The following HSPA4L variants were observed in gnomAD, a reference collection of about 807,000 sequenced individuals.
The protein encoded by HSPA4L is heat shock 70 kDa protein 4L.
In HSPA4L, 48 loss-of-function variants were observed where a neutral mutation model predicts 100.3. The observed-to-expected ratio is 0.48, with a 90% CI of 0.38 to 0.61. HSPA4L has a LOEUF of 0.61. HSPA4L is among the 20% of genes least tolerant of loss of function. HSPA4L has a pLI of 0.00. For synonymous variants in HSPA4L, 319 were observed against 328.2 expected (o/e 0.97, Z 0.30); for missense variants, 886 against 988.6 (o/e 0.90, Z 1.39).
chr4:127,812,409 AAAAAAAAAAAAC>A (rs917071173), intron 12 of HSPA4L, among the ~76,000 whole-genome samples: 9 of 140,008 alleles, frequency 6.4e-5, no homozygotes, highest in African/African-American at 1.6e-4. Flanking sequence ...ACTCCATCTC[AAAAAAAAAAAAC>A]AAAAAAAAAA....
chr4:127,829,027 C>G (rs1419228496), intron 17 of HSPA4L, among the ~76,000 whole-genome samples: 2 of 151,980 alleles, frequency 1.3e-5, no homozygotes, highest in Non-Finnish European at 2.9e-5. Flanking sequence ...CAATAAATTA[C>G]TGTAAGTTAT....
Position 127,838,416 on chromosome 4 carries a change from C to A in HSPA4L, c.*5542C>A, listed in dbSNP as rs915150272. 1 of 152,132 alleles carries A rather than the reference C, an allele frequency of 6.6e-6. No individual in the cohort carries two copies. The highest frequency in any genetic ancestry group is 2.4e-5 in the African/African-American group (1 of 41,426). 9.4% of individuals were successfully genotyped at this position (152,132 alleles called of 1,614,324 possible). ...TTTGCTGAAAAACATTACTAAATGA[C>A]TTGGAGCTCTCCAGTCAAAGAAACA... On this transcript the variant is annotated 3_prime_UTR_variant, in exon 19 of 19. Coordinates refer to ENST00000296464, the MANE Select transcript of HSPA4L (RefSeq NM_014278.4).
chr4:127,785,200 C>G (rs1398150516), intron 1 of HSPA4L, among the ~76,000 whole-genome samples: 1 of 152,168 alleles, frequency 6.6e-6, no homozygotes, highest in Admixed American at 6.5e-5. Context: ...ATACTAGCCT[C>G]TCATCTCCTG....
rs1734038800 is a variant in HSPA4L, at chr4:127,829,979, GTTT to G, written c.2167-658_2167-656del. Among the ~76,000 whole-genome samples the G allele has an allele frequency of 2.0e-5, 3 of 151,178 alleles. No homozygotes were observed. In the Admixed American group the frequency reaches 2.0e-4, roughly 10 times the overall value. On this transcript the variant is annotated intron_variant, in intron 17 of 18. Transcript: ENST00000296464. ...AGCTTTATGGGTTTTCCATTTGTTT[GTTT>G]GGGGTTTTTTTTCTTCATATATATA...
chr4:127,818,006 C>A (rs1277450765), intron 12 of HSPA4L, among the ~76,000 whole-genome samples: 1 of 151,760 alleles, frequency 6.6e-6, no homozygotes, highest in African/African-American at 2.4e-5. Context: ...TAGCCCCCCA[C>A]CCTTGAATGT....
At chr4:127,799,875 C>T (rs1315965480) in intron 4 of HSPA4L, among the ~76,000 whole-genome samples, 2 of 152,148 alleles carry the variant, frequency 1.3e-5, no homozygotes, top group Admixed American at 1.3e-4. Flanking sequence ...TGCATGATAA[C>T]TTAGATTTTT....
intron 1 of HSPA4L, among the ~76,000 whole-genome samples, chr4:127,790,316 G>A (rs1044175114): frequency 6.6e-6 from 1 of 152,166 alleles, no homozygotes; most frequent in African/African-American, 2.4e-5. Context: ...TAATGGAGTT[G>A]GGAGCAAGAT....
chr4:127,823,671 T>C, intron 16 of HSPA4L, 47 bp downstream of exon 16: 2 of 1,200,578 alleles, frequency 1.7e-6, no homozygotes, highest in Non-Finnish European at 2.4e-6. Flanking sequence ...TAACTTTTTC[T>C]AAAAATTAGG....
At chr4:127,798,808 T>C in intron 4 of HSPA4L, 99 bp downstream of exon 4, 1 of 1,150,530 alleles carries the variant, frequency 8.7e-7, no homozygotes, top group Non-Finnish European at 1.2e-6. Context: ...TCTGCCCTTA[T>C]CCAGTAAATA....
At chr4:127,799,304 G>T (rs928729065) in intron 4 of HSPA4L, among the ~76,000 whole-genome samples, 3 of 151,672 alleles carry the variant, frequency 2.0e-5, no homozygotes, top group Non-Finnish European at 4.4e-5. Flanking sequence ...ATAGGCATTT[G>T]GAATTTTTTT....
At position 127,823,463 on chromosome 4, in the gene HSPA4L, CT is replaced by C. The variant is rs369558480; in HGVS notation, c.1939-50del. On this transcript the variant is annotated intron_variant, in intron 15 of 18. Coordinates refer to ENST00000296464, the MANE Select transcript of HSPA4L (RefSeq NM_014278.4). ...TGCACTGCACTGAGCCCAATGATGA[CT>C]TTTATTTCTAAGGAAAGTATTTTTA... is the stretch of plus-strand genomic sequence containing the variant. 9.8e-4 allele frequency: 1,287 copies of C among 1,307,258 alleles called. 15 individuals are homozygous for C. In the African/African-American group the frequency reaches 0.017, roughly 17 times the overall value. 81.0% of individuals were successfully genotyped at this position (1,307,258 alleles called of 1,614,324 possible). A position where few individuals can be genotyped will look rare whatever the true frequency, so the allele number is the denominator to read the frequency against.
At chr4:127,783,454 G>A (rs1355384208) in intron 1 of HSPA4L, 1 of 1,384,372 alleles carries the variant, frequency 7.2e-7, no homozygotes, top group East Asian at 2.6e-5. Flanking sequence ...ACTGTGGAGT[G>A]ATTCTATTAT....
At chr4:127,791,412 A>G (rs574244125) in intron 1 of HSPA4L, among the ~76,000 whole-genome samples, 1 of 152,326 alleles carries the variant, frequency 6.6e-6, no homozygotes, top group East Asian at 1.9e-4. Flanking sequence ...GCCACCACAG[A>G]CAAAAGAGTC....
intron 11 of HSPA4L, among the ~76,000 whole-genome samples, chr4:127,810,115 G>A (rs186877840): frequency 1.3e-5 from 2 of 151,976 alleles, no homozygotes; most frequent in African/African-American, 2.4e-5. Flanking sequence ...TATAAATGAT[G>A]TGACTAAATG....
In HSPA4L at chr4:127,782,496, C is replaced by A; in HGVS notation, c.-55C>A. 7.0e-7 allele frequency: 1 copy of A among 1,437,182 alleles called. No homozygotes were observed. Among genetic ancestry groups the A allele is most frequent in the Non-Finnish European group, 9.8e-7 (1 of 1,020,758 alleles). The allele number at this position is 1,437,182 out of a possible 1,614,324, so 89.0% of individuals were successfully genotyped here. ...CCAGCAGCAATAGCCCAGAAGAGGACACGGTTCCCGTACCGAAGGGTTCAG... is the reference window on the plus strand; with the variant it reads ...CCAGCAGCAATAGCCCAGAAGAGGAAACGGTTCCCGTACCGAAGGGTTCAG... On this transcript the variant is annotated 5_prime_UTR_variant, in exon 1 of 19. Coordinates refer to ENST00000296464, the MANE Select transcript of HSPA4L (RefSeq NM_014278.4).
At chr4:127,805,842 C>T (rs762956801) in intron 10 of HSPA4L, 49 bp downstream of exon 10, 3 of 1,227,378 alleles carry the variant, frequency 2.4e-6, no homozygotes. Context: ...AATCTTTACC[C>T]AGTTAAACCT....
At chr4:127,793,096 T>G (rs1323538568) in intron 1 of HSPA4L, among the ~76,000 whole-genome samples, 1 of 152,172 alleles carries the variant, frequency 6.6e-6, no homozygotes, top group Non-Finnish European at 1.5e-5. Flanking sequence ...TGGAGGATTA[T>G]TTCATCATCA....
intron 8 of HSPA4L, among the ~76,000 whole-genome samples, 183 bp downstream of exon 8, chr4:127,804,270 A>G (rs1017093536): frequency 6.6e-6 from 1 of 152,102 alleles, no homozygotes; most frequent in African/African-American, 2.4e-5. Flanking sequence ...TGGGTTTATG[A>G]GAATTCTTCC....
intron 9 of HSPA4L, 97 bp downstream of exon 9, chr4:127,805,321 T>C (rs934044643): frequency 1.2e-6 from 1 of 864,356 alleles, no homozygotes; most frequent in Non-Finnish European, 1.7e-6. Context: ...CATCCACTTA[T>C]CAATAAGCTA....
Sources: gnomAD v4.1 joint callset for allele counts (sites outside exome capture counted in the v4.1 genomes callset) on GRCh38, gnomAD v4.1.1 for gene constraint, MANE v1.5 for transcripts, NCBI Gene and HGNC (gene_info 2026-07-23, HGNC 2026-07-21) for gene names.